Variants in ADAMTSL1 observed in about 807,000 individuals in gnomAD.
ADAMTSL1 encodes the protein ADAMTS-like protein 1.
A neutral mutation model predicts 201.8 loss-of-function variants in ADAMTSL1; 126 were observed. The observed-to-expected ratio is 0.62, with a 90% CI of 0.54 to 0.72. The LOEUF (loss-of-function observed/expected upper bound fraction) is 0.72, where lower values mean the gene tolerates loss of function less well. Among genes scored for constraint, ADAMTSL1 ranks in the 30% least tolerant of loss-of-function variants. ADAMTSL1 has a pLI of 0.00. For synonymous variants in ADAMTSL1, 1,121 were observed against 903.4 expected (o/e 1.24, Z -4.32); for missense variants, 2,679 against 2,277.8 (o/e 1.18, Z -3.59).
At chr9:18,278,791 A>G (rs1039052130) in intron 2 of ADAMTSL1, among the ~76,000 whole-genome samples, 1 of 152,030 alleles carries the variant, frequency 6.6e-6, no homozygotes, top group Non-Finnish European at 1.5e-5. Flanking sequence ...TCTCATGCAA[A>G]TTTTGACTTG....
chr9:18,850,944 T>G (rs1008841802), intron 23 of ADAMTSL1, among the ~76,000 whole-genome samples: 5 of 152,228 alleles, frequency 3.3e-5, no homozygotes, highest in Non-Finnish European at 5.9e-5. Flanking sequence ...AGATGCCATA[T>G]GCAATGTGCC....
chr9:18,439,261 A>T (rs1041815280), intron 2 of ADAMTSL1, among the ~76,000 whole-genome samples: 2 of 152,226 alleles, frequency 1.3e-5, no homozygotes, highest in Non-Finnish European at 2.9e-5. Context: ...GGCATTAAAG[A>T]ACAGATAACA....
intron 1 of ADAMTSL1, among the ~76,000 whole-genome samples, chr9:17,978,144 T>C (rs1818529304): frequency 6.6e-6 from 1 of 152,110 alleles, no homozygotes; most frequent in South Asian, 2.1e-4. Context: ...TTTTCATTTG[T>C]ATGGAATATC....
intron 2 of ADAMTSL1, among the ~76,000 whole-genome samples, chr9:18,273,492 C>T (rs1832465092): frequency 6.6e-6 from 1 of 152,162 alleles, no homozygotes. Flanking sequence ...TATTTGTAAG[C>T]AGAAAAGAGG....
intron 1 of ADAMTSL1, among the ~76,000 whole-genome samples, chr9:18,056,926 AC>A (rs1214660935): frequency 1.3e-5 from 2 of 151,930 alleles, no homozygotes; most frequent in African/African-American, 2.4e-5. Flanking sequence ...AAAATATTAG[AC>A]CTTGTCAGGA....
intron 4 of ADAMTSL1, among the ~76,000 whole-genome samples, chr9:18,595,708 A>G (rs540073643): frequency 1.3e-5 from 2 of 152,362 alleles, no homozygotes; most frequent in East Asian, 3.9e-4. Flanking sequence ...CAGCAAGCTG[A>G]TGAGCCTTTC....
chr9:18,200,130 G>A (rs1829376431), intron 2 of ADAMTSL1, among the ~76,000 whole-genome samples: 1 of 151,908 alleles, frequency 6.6e-6, no homozygotes, highest in Non-Finnish European at 1.5e-5. Flanking sequence ...TATACCAAGT[G>A]AATACTTAAA....
intron 2 of ADAMTSL1, among the ~76,000 whole-genome samples, chr9:18,509,057 G>A (rs9792511): frequency 7.6e-5 from 10 of 131,282 alleles, no homozygotes; most frequent in Admixed American, 5.9e-4. Flanking sequence ...GGTGGCGGGC[G>A]CCTGTAGTCC....
At chr9:18,891,346 G>C (rs1043128612) in intron 25 of ADAMTSL1, among the ~76,000 whole-genome samples, 1 of 151,810 alleles carries the variant, frequency 6.6e-6, no homozygotes, top group African/African-American at 2.4e-5. Context: ...CGTTTTGTTA[G>C]ATAAATTTTC....
chr9:17,913,798 G>T (rs949224958), intron 1 of ADAMTSL1, among the ~76,000 whole-genome samples: 4 of 125,126 alleles, frequency 3.2e-5, no homozygotes, highest in East Asian at 4.8e-4. Context: ...GAAGAAAAGA[G>T]AGAAGAATCA....
At chr9:18,073,399 G>T (rs951234194) in intron 1 of ADAMTSL1, among the ~76,000 whole-genome samples, 5 of 152,124 alleles carry the variant, frequency 3.3e-5, no homozygotes, top group African/African-American at 9.7e-5. Context: ...AATCCATCTA[G>T]GTGATATTTA....
At chr9:18,109,564 A>G (rs1360417) in intron 1 of ADAMTSL1, among the ~76,000 whole-genome samples, 69,423 of 152,018 alleles carry the variant, frequency 0.46, 16,163 homozygotes, top group African/African-American at 0.49. Context: ...TCTTTTGACC[A>G]TTTCTTTGAT....
intron 17 of ADAMTSL1, among the ~76,000 whole-genome samples, chr9:18,775,245 C>A (rs1176057164): frequency 6.6e-6 from 1 of 152,182 alleles, no homozygotes; most frequent in Admixed American, 6.5e-5. Flanking sequence ...AGCACCCTAC[C>A]TTAGACAAAG....
chr9:18,824,840 G>C (rs376039656), intron 21 of ADAMTSL1, among the ~76,000 whole-genome samples: 4 of 151,910 alleles, frequency 2.6e-5, no homozygotes, highest in African/African-American at 9.7e-5. Flanking sequence ...TGGGATTACA[G>C]GTGCCCACCA....
At chr9:18,441,267 A>G (rs929969599) in intron 2 of ADAMTSL1, among the ~76,000 whole-genome samples, 1 of 152,194 alleles carries the variant, frequency 6.6e-6, no homozygotes, top group Non-Finnish European at 1.5e-5. Context: ...TGCATTGTAC[A>G]CTTTAATTCA....
At chr9:17,993,113 C>G (rs970071097) in intron 1 of ADAMTSL1, among the ~76,000 whole-genome samples, 1 of 151,986 alleles carries the variant, frequency 6.6e-6, no homozygotes, top group Non-Finnish European at 1.5e-5. Flanking sequence ...TGGGATTTAC[C>G]TCTCTAGAGG....
intron 1 of ADAMTSL1, among the ~76,000 whole-genome samples, chr9:18,115,936 G>A (rs1556352): frequency 0.42 from 63,346 of 151,978 alleles, 13,569 homozygotes; most frequent in East Asian, 0.55. Context: ...ACAGTACTCA[G>A]AATGACTTTG....
At chr9:18,711,448 C>G (rs924203389) in intron 14 of ADAMTSL1, among the ~76,000 whole-genome samples, 1 of 152,254 alleles carries the variant, frequency 6.6e-6, no homozygotes, top group African/African-American at 2.4e-5. Context: ...CGCAAGGGGT[C>G]AGGGAGTTCC....
chr9:18,794,517 GAC>G (rs1002855476), intron 19 of ADAMTSL1, among the ~76,000 whole-genome samples: 7 of 152,014 alleles, frequency 4.6e-5, no homozygotes, highest in African/African-American at 1.7e-4. Context: ...CAGCGGCTGT[GAC>G]ACAGAATTTC....
Sources: gnomAD v4.1 joint callset for allele counts (sites outside exome capture counted in the v4.1 genomes callset) on GRCh38, gnomAD v4.1.1 for gene constraint, MANE v1.5 for transcripts, NCBI Gene and HGNC (gene_info 2026-07-23, HGNC 2026-07-21) for gene names.